Variants in HOMER1 observed in about 807,000 individuals in gnomAD.
The protein encoded by HOMER1 is homer protein homolog 1.
A neutral mutation model predicts 48.9 loss-of-function variants in HOMER1; 3 were observed. The ratio of observed to expected loss-of-function variants is 0.06; its 90% confidence interval spans 0.03 to 0.16. The LOEUF (loss-of-function observed/expected upper bound fraction) is 0.16. Ranked by LOEUF, HOMER1 falls within the 10% of genes least tolerant of loss-of-function variation. HOMER1 has a pLI of 1.00. For missense variants in HOMER1, 247 were observed against 411.4 expected (o/e 0.60, Z 3.46); for synonymous variants, 134 against 146.4 (o/e 0.92, Z 0.61).
intron 5 of HOMER1, among the ~76,000 whole-genome samples, chr5:79,426,432 T>C (rs113318038): frequency 1.8e-4 from 28 of 152,220 alleles, no homozygotes; most frequent in African/African-American, 6.5e-4. Context: ...GTACTATATG[T>C]GTTACATATA....
chr5:79,398,689 T>C (rs1749458625), intron 6 of HOMER1, among the ~76,000 whole-genome samples: 2 of 152,148 alleles, frequency 1.3e-5, no homozygotes, highest in Non-Finnish European at 2.9e-5. Context: ...CAGCTCATCT[T>C]TTTTACGGTA....
At chr5:79,425,875 T>C (rs1750235088) in intron 5 of HOMER1, among the ~76,000 whole-genome samples, 1 of 151,966 alleles carries the variant, frequency 6.6e-6, no homozygotes, top group African/African-American at 2.4e-5. Flanking sequence ...AATGATCTAA[T>C]TAGAAAAAGC....
At chr5:79,386,795 C>T (rs1366601476) in intron 8 of HOMER1, among the ~76,000 whole-genome samples, 2 of 152,152 alleles carry the variant, frequency 1.3e-5, no homozygotes, top group South Asian at 2.1e-4. Flanking sequence ...TAAAATCCTA[C>T]TGGGCAGGAG....
In HOMER1 at chr5:79,462,594, T is replaced by C. The variant is rs904255485; in HGVS notation, c.6-5576A>G. Among the ~76,000 whole-genome samples, 10 of 152,234 alleles carry C rather than the reference T, an allele frequency of 6.6e-5. No individual in the cohort carries two copies. The South Asian group carries it at 1.7e-3, about 25-fold the overall frequency. On this transcript the variant is annotated intron_variant, in intron 1 of 8. Coordinates refer to ENST00000334082, the MANE Select transcript of HOMER1 (RefSeq NM_004272.5). Reference sequence around the variant, plus strand: ...GACATAAAGAATTACTACATTTAGCTCTCAGGCATCTGCGTAATAAGAAAG... The same window carrying C: ...GACATAAAGAATTACTACATTTAGCCCTCAGGCATCTGCGTAATAAGAAAG...
chr5:79,491,157 G>A (rs1431758275), intron 1 of HOMER1, among the ~76,000 whole-genome samples: 1 of 140,364 alleles, frequency 7.1e-6, no homozygotes, highest in Non-Finnish European at 1.5e-5. Flanking sequence ...CAGGTCAGGT[G>A]CCAGCAGCTC....
chr5:79,423,390 T>C (rs948158447), intron 5 of HOMER1, among the ~76,000 whole-genome samples: 11 of 152,188 alleles, frequency 7.2e-5, no homozygotes, highest in African/African-American at 2.7e-4. Context: ...TTCAGGATAC[T>C]ATGAAGCTAT....
At chr5:79,402,354 C>T (rs764728613) in intron 5 of HOMER1, among the ~76,000 whole-genome samples, 20 of 151,758 alleles carry the variant, frequency 1.3e-4, no homozygotes, top group African/African-American at 4.8e-4. Flanking sequence ...TTTTTTAGTA[C>T]AGACGGGGTT....
At chr5:79,502,314 A>T (rs114714197) in intron 1 of HOMER1, among the ~76,000 whole-genome samples, 6 of 151,910 alleles carry the variant, frequency 3.9e-5, no homozygotes, top group Non-Finnish European at 8.8e-5. Flanking sequence ...CACCGCGCCC[A>T]GCCAGTCCTG....
At chr5:79,502,341 A>G (rs1375620734) in intron 1 of HOMER1, among the ~76,000 whole-genome samples, 2 of 152,048 alleles carry the variant, frequency 1.3e-5, no homozygotes, top group African/African-American at 2.4e-5. Context: ...TTTTACTGTA[A>G]TAAATATTTT....
intron 1 of HOMER1, among the ~76,000 whole-genome samples, chr5:79,507,376 T>A (rs2112383805): frequency 1.3e-5 from 2 of 152,240 alleles, no homozygotes; most frequent in East Asian, 3.9e-4. Flanking sequence ...TAGATTCTTT[T>A]GAAATGAACA....
At chr5:79,450,863 A>C (rs1751008932) in intron 3 of HOMER1, 127 bp downstream of exon 3, 1 of 854,502 alleles carries the variant, frequency 1.2e-6, no homozygotes, top group African/African-American at 1.7e-5. Context: ...CTCTGAAGTC[A>C]CTACTGCTGT....
chr5:79,402,432 G>GTAC (rs1361801786), intron 5 of HOMER1, among the ~76,000 whole-genome samples: 1 of 152,118 alleles, frequency 6.6e-6, no homozygotes, highest in Non-Finnish European at 1.5e-5. Flanking sequence ...GCCTCCCAAA[G>GTAC]TACTGGGATT....
intron 1 of HOMER1, among the ~76,000 whole-genome samples, chr5:79,471,699 A>C (rs1270048888): frequency 6.6e-6 from 1 of 151,868 alleles, no homozygotes; most frequent in Non-Finnish European, 1.5e-5. Context: ...CTCTAAGGTG[A>C]TTCTCATGTG....
At chr5:79,462,825 C>T (rs1208939643) in intron 1 of HOMER1, among the ~76,000 whole-genome samples, 1 of 152,072 alleles carries the variant, frequency 6.6e-6, no homozygotes, top group Non-Finnish European at 1.5e-5. Flanking sequence ...AAATCTTCAT[C>T]CCAAGAGAGT....
chr5:79,433,656 AT>A (rs537787550), intron 5 of HOMER1, among the ~76,000 whole-genome samples: 25 of 152,320 alleles, frequency 1.6e-4, no homozygotes, highest in Middle Eastern at 6.8e-3. Context: ...TTTTGTATTT[AT>A]TTTGGTGTTT....
intron 1 of HOMER1, among the ~76,000 whole-genome samples, chr5:79,457,973 G>T (rs1287266768): frequency 6.6e-6 from 1 of 151,970 alleles, no homozygotes; most frequent in Non-Finnish European, 1.5e-5. Flanking sequence ...GAATAATCTG[G>T]GAATAGGTAA....
chr5:79,434,110 A>G (rs1251819459), intron 5 of HOMER1, among the ~76,000 whole-genome samples: 1 of 152,172 alleles, frequency 6.6e-6, no homozygotes, highest in Non-Finnish European at 1.5e-5. Context: ...TTATCAGTAC[A>G]AAAATAGCTT....
At chr5:79,430,411 ATATC>A (rs1750390830) in intron 5 of HOMER1, among the ~76,000 whole-genome samples, 1 of 152,228 alleles carries the variant, frequency 6.6e-6, no homozygotes, top group African/African-American at 2.4e-5. Flanking sequence ...GAACCCTTAT[ATATC>A]TGCTAGTGGG....
chr5:79,476,941 T>G (rs561978616), intron 1 of HOMER1, among the ~76,000 whole-genome samples: 2 of 152,358 alleles, frequency 1.3e-5, no homozygotes, highest in Admixed American at 1.3e-4. Flanking sequence ...TGCACATTCC[T>G]TCTCTAGAGT....
Sources: allele counts gnomAD v4.1 joint callset (sites outside exome capture counted in the v4.1 genomes callset), GRCh38; gene constraint gnomAD v4.1.1; transcripts MANE v1.5; gene names NCBI Gene and HGNC (gene_info 2026-07-23, HGNC 2026-07-21).